Variants in ACOT7 observed in about 807,000 individuals in gnomAD.
The protein encoded by ACOT7 is acyl-CoA thioesterase 7.
Under a neutral mutation model 40.2 loss-of-function variants are expected in ACOT7, and 12 were observed. The ratio of observed to expected loss-of-function variants is 0.30; its 90% CI spans 0.19 to 0.48. The LOEUF (loss-of-function observed/expected upper bound fraction) is 0.48. Ranked by LOEUF, ACOT7 falls within the 20% of genes least tolerant of loss-of-function variation. The pLI is 0.99. For missense variants in ACOT7, 395 were observed against 530.8 expected (o/e 0.74, Z 2.51); for synonymous variants, 228 against 219.5 (o/e 1.04, Z -0.34).
At chr1:6,325,722 A>T (rs1028879026) in intron 5 of ACOT7, among the ~76,000 whole-genome samples, 11 of 151,642 alleles carry the variant, frequency 7.3e-5, no homozygotes, top group African/African-American at 2.7e-4. Flanking sequence ...AAACAAGCAC[A>T]CTCCTGCTGC....
chr1:6,284,171 CAT>C (rs1300263555), intron 7 of ACOT7, among the ~76,000 whole-genome samples: 2 of 152,162 alleles, frequency 1.3e-5, no homozygotes, highest in East Asian at 1.9e-4. Flanking sequence ...ACATCCCACA[CAT>C]GACACCAAGG....
At chr1:6,366,983 G>T (rs1360866289) in intron 1 of ACOT7, among the ~76,000 whole-genome samples, 1 of 152,060 alleles carries the variant, frequency 6.6e-6, no homozygotes, top group African/African-American at 2.4e-5. Flanking sequence ...CGGATCACGA[G>T]GTCAGGAGAT....
intron 1 of ACOT7, chr1:6,385,504 T>C: frequency 6.2e-7 from 1 of 1,610,036 alleles, no homozygotes; most frequent in South Asian, 1.1e-5. Context: ...CTTCCAGTAA[T>C]GCAGGCTCCA....
chr1:6,314,947 G>T (rs921996260), intron 6 of ACOT7, among the ~76,000 whole-genome samples: 1 of 151,830 alleles, frequency 6.6e-6, no homozygotes, highest in Non-Finnish European at 1.5e-5. Flanking sequence ...CCCTCCTCCC[G>T]CACGGGACAA....
chr1:6,339,360 G>A (rs1049718667), intron 3 of ACOT7, 73 bp downstream of exon 3: 3 of 1,597,330 alleles, frequency 1.9e-6, no homozygotes, highest in Non-Finnish European at 2.6e-6. Flanking sequence ...AGCGTCCTCT[G>A]CCCTCAGGAG....
In ACOT7 at chr1:6,381,652, T is replaced by C. The variant is rs1479397119; in HGVS notation, c.143+11605A>G. Among the ~76,000 whole-genome samples the C allele has an allele frequency of 3.3e-5, 5 of 151,666 alleles. 1 individual carries two copies. Among genetic ancestry groups the C allele is most frequent in the Non-Finnish European group, 7.4e-5 (5 of 67,868 alleles). ...GTTTCTTTAAAGATTTAAAATAGAA[T>C]TGCCATATGATCCAGCAATTCCACT... On this transcript the variant is annotated intron_variant, in intron 1 of 8. Coordinates refer to ENST00000361521, the MANE Select transcript of ACOT7 (RefSeq NM_007274.4).
intron 7 of ACOT7, among the ~76,000 whole-genome samples, chr1:6,291,246 G>A (rs893141338): frequency 6.6e-5 from 10 of 152,198 alleles, no homozygotes; most frequent in East Asian, 1.9e-4. Context: ...AGATCACCCC[G>A]GATTCTCCAG....
intron 1 of ACOT7, chr1:6,385,797 T>G: frequency 7.0e-7 from 1 of 1,429,154 alleles, no homozygotes; most frequent in Non-Finnish European, 9.1e-7. Context: ...ACCAGGCTCC[T>G]GCTCCTCCTA....
chr1:6,308,604 C>T (rs1201312143), intron 6 of ACOT7, among the ~76,000 whole-genome samples: 6 of 151,330 alleles, frequency 4.0e-5, no homozygotes, highest in Non-Finnish European at 7.4e-5. Context: ...GAGGGAACTA[C>T]AACCGGGCAG....
chr1:6,387,323 G>A (rs773181587), intron 1 of ACOT7, among the ~76,000 whole-genome samples: 3 of 151,716 alleles, frequency 2.0e-5, no homozygotes, highest in Non-Finnish European at 4.4e-5. Flanking sequence ...AATAAAGCTG[G>A]TTTAAAAAAG....
intron 1 of ACOT7, among the ~76,000 whole-genome samples, chr1:6,361,161 A>T (rs1641884695): frequency 6.6e-6 from 1 of 152,226 alleles, no homozygotes; most frequent in Admixed American, 6.5e-5. Context: ...TAAAAAATGA[A>T]GACCTACAGA....
chr1:6,301,910 C>CGG lies in ACOT7; in HGVS notation c.713-6932_713-6931dup, dbSNP rs538750953. 6.5e-4 allele frequency among the ~76,000 whole-genome samples: 99 copies of CGG among 152,310 alleles called. No individual in the cohort carries two copies. Among genetic ancestry groups the CGG allele is most frequent in the African/African-American group, 2.3e-3 (94 of 41,564 alleles). ...GCCCCAGCAGCCAGCACACACGCAC[C>CGG]GGCCTGGGAAACCACGCAGAGTTTA... On this transcript the variant is annotated intron_variant, in intron 6 of 8. Transcript: ENST00000361521. The surrounding 1 kb of genome is among the most constrained non-coding windows in gnomAD (Gnocchi z 4.1).
At chr1:6,360,225 C>T (rs1217422059) in intron 1 of ACOT7, among the ~76,000 whole-genome samples, 1 of 152,258 alleles carries the variant, frequency 6.6e-6, no homozygotes, top group Non-Finnish European at 1.5e-5. Flanking sequence ...TGTCTAGAAG[C>T]CAGCAGAGGA....
chr1:6,292,926 G>C (rs1416981430), intron 7 of ACOT7, among the ~76,000 whole-genome samples: 1 of 126,380 alleles, frequency 7.9e-6, no homozygotes, highest in Non-Finnish European at 1.6e-5. Flanking sequence ...GTCTCACTCT[G>C]TCGCCCAGCC....
rs962460443 is a variant in ACOT7 at position 6,274,810 on chromosome 1, G to A, written c.1014+6292C>T. Among the ~76,000 whole-genome samples the A allele has an allele frequency of 3.3e-5, 5 of 152,210 alleles. No individual in the cohort carries two copies. Among genetic ancestry groups the A allele is most frequent in the East Asian group, 1.9e-4 (1 of 5,196 alleles). The stretch of plus-strand genomic sequence containing the variant: ...CTGAAGCAAAGGCCCTGGGCTGAGC[G>A]CGGTGTGGGTGGGCGGCGCAGTGCA... On this transcript the variant is annotated intron_variant, in intron 8 of 8. Transcript: ENST00000361521. This position sits in a 1 kb window ranked among gnomAD's most constrained non-coding sequence, Gnocchi z 5.9.
At chr1:6,383,068 G>A (rs1300752281) in intron 1 of ACOT7, among the ~76,000 whole-genome samples, 1 of 151,474 alleles carries the variant, frequency 6.6e-6, no homozygotes, top group Non-Finnish European at 1.5e-5. Context: ...TAGTAGAGAC[G>A]GGGTTTCACC....
At chr1:6,373,299 A>G (rs1571350625) in intron 1 of ACOT7, among the ~76,000 whole-genome samples, 2 of 151,936 alleles carry the variant, frequency 1.3e-5, no homozygotes, top group Non-Finnish European at 2.9e-5. Context: ...TGCCCAGGCT[A>G]GAGTGTAGTG....
In ACOT7 at chr1:6,338,599, T is replaced by A. The variant is rs1641175075; in HGVS notation, c.418+834A>T. ...AGGTCCTCAGAATGTTCTAGATGCATAATCGTGCTTGCTACCGGCCCGTCA... is the reference window on the plus strand; with the variant it reads ...AGGTCCTCAGAATGTTCTAGATGCAAAATCGTGCTTGCTACCGGCCCGTCA... On this transcript the variant is annotated intron_variant, in intron 3 of 8. Transcript: ENST00000361521. The surrounding 1 kb of genome is among the most constrained non-coding windows in gnomAD (Gnocchi z 4.4). Among the ~76,000 whole-genome samples, 2 of 152,190 alleles carry A rather than the reference T, an allele frequency of 1.3e-5. No homozygotes were observed. Among genetic ancestry groups the A allele is most frequent in the Admixed American group, 1.3e-4 (2 of 15,284 alleles).
chr1:6,369,242 A>G (rs1642079716), intron 1 of ACOT7, among the ~76,000 whole-genome samples: 1 of 152,016 alleles, frequency 6.6e-6, no homozygotes, highest in South Asian at 2.1e-4. Context: ...TGACCTCCCA[A>G]AGTGTTGGGA....
Sources: gnomAD v4.1 joint callset for allele counts (sites outside exome capture counted in the v4.1 genomes callset) on GRCh38, gnomAD v4.1.1 for gene constraint, Gnocchi (gnomAD v3.1) non-coding constraint, MANE v1.5 for transcripts, NCBI Gene and HGNC (gene_info 2026-07-23, HGNC 2026-07-21) for gene names.